The following UBE4B variants were observed in gnomAD, a reference collection of about 807,000 sequenced individuals.
The protein encoded by UBE4B is ubiquitination factor E4B, also known as ubiquitin conjugation factor E4 B.
A neutral mutation model predicts 148.1 loss-of-function variants in UBE4B; 27 were observed. That is an observed-to-expected ratio of 0.18 (90% CI 0.13 to 0.25). UBE4B has a LOEUF of 0.25. Among genes scored for constraint, UBE4B ranks in the 10% least tolerant of loss-of-function variants. The pLI is 1.00. For missense variants in UBE4B, 1,170 were observed against 1,662.4 expected (o/e 0.70, Z 5.15); for synonymous variants, 596 against 619.3 (o/e 0.96, Z 0.56).
intron 2 of UBE4B, among the ~76,000 whole-genome samples, chr1:10,086,313 GGT>G (rs1644766802): frequency 6.6e-6 from 1 of 151,990 alleles, no homozygotes; most frequent in South Asian, 2.1e-4. Flanking sequence ...TCGCCATGTT[GGT>G]CAGGCTTGTG....
chr1:10,175,369 T>C (rs1314351208), intron 25 of UBE4B, among the ~76,000 whole-genome samples: 3 of 151,844 alleles, frequency 2.0e-5, no homozygotes, highest in Non-Finnish European at 4.4e-5. Context: ...TAAAAAAAAA[T>C]AGCCGGGTGC....
At chr1:10,094,574 C>T (rs1424332596) in intron 2 of UBE4B, among the ~76,000 whole-genome samples, 5 of 151,594 alleles carry the variant, frequency 3.3e-5, no homozygotes, top group African/African-American at 9.7e-5. Flanking sequence ...GCTGGGACTA[C>T]AGGCGCCCGC....
rs776102839 is a variant in UBE4B at position 10,132,442 on chromosome 1, C to T, written c.1985C>T (p.Ala662Val). ...ETREAALSYM[A>V]AVVNANMKKA... ...CGTGAGGCTGCTCTCAGTTACATGG[C>T]GGCTGTCGTCAATGCCAATATGAAG... Residue 662 changes from alanine (A) to valine (V), a missense_variant, in exon 15 of 28, where the codon GCG (alanine) becomes GTG (valine). Ala to Val is a moderately conservative substitution (Grantham distance 64, BLOSUM62 0). Transcript: ENST00000343090. The T allele has an allele frequency of 6.8e-6, 11 of 1,614,150 alleles. No homozygotes were observed. The highest frequency in any genetic ancestry group is 2.2e-5 in the East Asian group (1 of 44,882).
intron 2 of UBE4B, among the ~76,000 whole-genome samples, chr1:10,077,813 G>A (rs546785282): frequency 6.6e-6 from 1 of 152,230 alleles, no homozygotes; most frequent in African/African-American, 2.4e-5. Context: ...TATTTCAAAT[G>A]TACATGATAA....
At chr1:10,153,044 T>A (rs1646003219) in intron 21 of UBE4B, among the ~76,000 whole-genome samples, 1 of 151,904 alleles carries the variant, frequency 6.6e-6, no homozygotes. Context: ...AGCTGAAAAT[T>A]GGAACCAACT....
chr1:10,086,653 G>A (rs1644770727), intron 2 of UBE4B, among the ~76,000 whole-genome samples: 1 of 152,086 alleles, frequency 6.6e-6, no homozygotes, highest in South Asian at 2.1e-4. Context: ...GATAGGTTGA[G>A]AGAGAAAAGT....
chr1:10,126,754 T>C, intron 10 of UBE4B, 40 bp from the exon 11 acceptor site: 1 of 1,537,834 alleles, frequency 6.5e-7, no homozygotes. Context: ...TCTTAGATTC[T>C]CTTAAACTTA....
intron 1 of UBE4B, among the ~76,000 whole-genome samples, chr1:10,045,611 A>G (rs2101782600): frequency 6.6e-6 from 1 of 152,344 alleles, no homozygotes; most frequent in African/African-American, 2.4e-5. Context: ...CCTGTGGACA[A>G]AACAGAAATC....
chr1:10,173,200 C>T (rs1308745772), intron 25 of UBE4B, among the ~76,000 whole-genome samples: 1 of 152,024 alleles, frequency 6.6e-6, no homozygotes, highest in Admixed American at 6.6e-5. Flanking sequence ...TACTGCTGGC[C>T]GAGCGCGGTG....
chr1:10,098,322 A>G (rs1389077468), intron 3 of UBE4B, among the ~76,000 whole-genome samples: 2 of 152,226 alleles, frequency 1.3e-5, no homozygotes, highest in Non-Finnish European at 2.9e-5. Context: ...TAATGTTGGT[A>G]GCTGCAAGAG....
intron 2 of UBE4B, among the ~76,000 whole-genome samples, chr1:10,075,627 A>G (rs1003960064): frequency 1.3e-5 from 2 of 152,256 alleles, no homozygotes; most frequent in African/African-American, 2.4e-5. Flanking sequence ...TCACATAGTC[A>G]TCATTATTCA....
Position 10,072,128 on chromosome 1 carries a change from T to TA in UBE4B, c.126dup (p.Ala43SerfsTer38). ...AGGGAGAACCCTCCGGGGCCTCCCATAGCGGCATCAGCCCCAGGACCCTCT... is the reference window on the plus strand; with the variant it reads ...AGGGAGAACCCTCCGGGGCCTCCCATAAGCGGCATCAGCCCCAGGACCCTCT... On this transcript the variant is annotated frameshift_variant, in exon 2 of 28. Transcript: ENST00000343090. LOFTEE classifies it high-confidence loss of function. 1.2e-6 allele frequency: 2 copies of TA among 1,613,792 alleles called. No individual in the cohort carries two copies. The highest frequency in any genetic ancestry group is 1.7e-6 in the Non-Finnish European group (2 of 1,179,894).
At chr1:10,038,280 CAA>C (rs535925205) in intron 1 of UBE4B, among the ~76,000 whole-genome samples, 39 of 95,410 alleles carry the variant, frequency 4.1e-4, no homozygotes, top group Admixed American at 4.4e-4. Flanking sequence ...AACTCCATCT[CAA>C]AAAAAAAAAA....
intron 18 of UBE4B, 78 bp from the exon 19 acceptor site, chr1:10,146,885 C>T: frequency 6.4e-7 from 1 of 1,553,150 alleles, no homozygotes; most frequent in East Asian, 2.3e-5. Flanking sequence ...CATCTCCTGG[C>T]CCCAGTCCCT....
intron 20 of UBE4B, 126 bp from the exon 21 acceptor site, chr1:10,151,200 A>G: frequency 1.3e-6 from 1 of 790,526 alleles, no homozygotes; most frequent in Non-Finnish European, 2.0e-6. Context: ...GAATGAGTTC[A>G]AGGGCACTCC....
At chr1:10,070,223 G>A (rs1456896966) in intron 1 of UBE4B, among the ~76,000 whole-genome samples, 1 of 151,486 alleles carries the variant, frequency 6.6e-6, no homozygotes, top group Non-Finnish European at 1.5e-5. Flanking sequence ...GCAGTGAGCC[G>A]AGATGGTGCC....
chr1:10,060,765 A>G (rs1442121207), intron 1 of UBE4B, among the ~76,000 whole-genome samples: 3 of 145,136 alleles, frequency 2.1e-5, no homozygotes. Context: ...ATTCTGGACA[A>G]TTTTTTTTTT....
chr1:10,171,622 CT>C (rs1278818492), intron 25 of UBE4B, among the ~76,000 whole-genome samples: 1 of 152,192 alleles, frequency 6.6e-6, no homozygotes, highest in Non-Finnish European at 1.5e-5. Flanking sequence ...TGGCTCACGC[CT>C]GTAATCCCAA....
intron 11 of UBE4B, among the ~76,000 whole-genome samples, chr1:10,127,836 G>A (rs1006888087): frequency 2.0e-5 from 3 of 152,176 alleles, no homozygotes; most frequent in Admixed American, 1.3e-4. Flanking sequence ...CGCAACAGTT[G>A]AACAGATACT....
Sources: gnomAD v4.1 joint callset for allele counts (sites outside exome capture counted in the v4.1 genomes callset) on GRCh38, gnomAD v4.1.1 for gene constraint, MANE v1.5 for transcripts, NCBI Gene and HGNC (gene_info 2026-07-23, HGNC 2026-07-21) for gene names.